Variants in ROBO2 observed in about 807,000 individuals in gnomAD.
ROBO2 encodes the protein roundabout guidance receptor 2, also known as roundabout homolog 2.
In ROBO2, 53 loss-of-function variants were observed where a neutral mutation model predicts 160.8. The observed-to-expected ratio is 0.33, with a 90% CI of 0.26 to 0.41. The LOEUF (loss-of-function observed/expected upper bound fraction) is 0.41, where lower values mean the gene tolerates loss of function less well. Among genes scored for constraint, ROBO2 ranks in the 10% least tolerant of loss-of-function variants. The pLI is 1.00. For synonymous variants in ROBO2, 664 were observed against 611.7 expected (o/e 1.09, Z -1.26); for missense variants, 1,577 against 1,722.4 (o/e 0.92, Z 1.49).
intron 2 of ROBO2, among the ~76,000 whole-genome samples, chr3:77,197,802 G>T (rs56311343): frequency 1.3e-5 from 2 of 151,924 alleles, no homozygotes; most frequent in Admixed American, 1.3e-4. Flanking sequence ...GTTATCTCAG[G>T]TTATCTGGGT....
At chr3:77,009,411 G>A (rs532992156) in intron 2 of ROBO2, among the ~76,000 whole-genome samples, 2 of 151,980 alleles carry the variant, frequency 1.3e-5, no homozygotes, top group Middle Eastern at 3.4e-3. Context: ...CAATTTTTAC[G>A]AAAATAAAAA....
At chr3:76,665,676 G>T (rs2091990386) in intron 2 of ROBO2, among the ~76,000 whole-genome samples, 1 of 150,754 alleles carries the variant, frequency 6.6e-6, no homozygotes, top group East Asian at 1.9e-4. Flanking sequence ...AACTTCCTTT[G>T]GTTCTTGACA....
chr3:77,533,125 C>T (rs1003191306), intron 6 of ROBO2, among the ~76,000 whole-genome samples: 1 of 151,914 alleles, frequency 6.6e-6, no homozygotes, highest in Non-Finnish European at 1.5e-5. Context: ...ATTCAATAAC[C>T]CTTATTTAGA....
chr3:77,097,435 C>A (rs1179844702), intron 1 of ROBO2, among the ~76,000 whole-genome samples: 1 of 152,088 alleles, frequency 6.6e-6, no homozygotes, highest in African/African-American at 2.4e-5. Context: ...TATACTTGAG[C>A]TCTTCAGTCA....
chr3:76,582,137 C>T (rs2085742206), intron 2 of ROBO2, among the ~76,000 whole-genome samples: 1 of 152,116 alleles, frequency 6.6e-6, no homozygotes, highest in Non-Finnish European at 1.5e-5. Context: ...TTATTCTTAA[C>T]ATTAAATTAA....
chr3:76,415,703 T>C (rs980674882), intron 2 of ROBO2, among the ~76,000 whole-genome samples: 1 of 152,204 alleles, frequency 6.6e-6, no homozygotes, highest in Non-Finnish European at 1.5e-5. Flanking sequence ...CTGCTCCTTA[T>C]AAATATGCGT....
intron 2 of ROBO2, among the ~76,000 whole-genome samples, chr3:77,102,767 C>T (rs939982933): frequency 1.5e-5 from 2 of 135,044 alleles, no homozygotes; most frequent in African/African-American, 2.8e-5. Context: ...TGTTCTGGAA[C>T]AATACAGCAG....
At chr3:77,058,075 G>A (rs2149742437) in intron 1 of ROBO2, among the ~76,000 whole-genome samples, 1 of 152,182 alleles carries the variant, frequency 6.6e-6, no homozygotes. Flanking sequence ...CATTAAAAAG[G>A]AGAATACTCG....
intron 2 of ROBO2, among the ~76,000 whole-genome samples, chr3:76,360,052 C>T (rs567225947): frequency 7.9e-5 from 12 of 152,108 alleles, no homozygotes; most frequent in East Asian, 1.9e-4. Context: ...CCATGACCAG[C>T]GTAGTTCTCT....
intron 2 of ROBO2, among the ~76,000 whole-genome samples, chr3:76,683,841 GT>G (rs2092626053): frequency 6.6e-6 from 1 of 151,942 alleles, no homozygotes; most frequent in African/African-American, 2.4e-5. Flanking sequence ...GCTGAATCGA[GT>G]TTTATTCCCG....
At chr3:76,374,007 G>A (rs2076227443) in intron 2 of ROBO2, among the ~76,000 whole-genome samples, 1 of 151,910 alleles carries the variant, frequency 6.6e-6, no homozygotes, top group African/African-American at 2.4e-5. Context: ...TGTTCACATG[G>A]CAGCAGATGG....
chr3:77,438,551 C>T (rs1268058510), intron 2 of ROBO2, among the ~76,000 whole-genome samples: 1 of 79,680 alleles, frequency 1.3e-5, no homozygotes, highest in Non-Finnish European at 3.5e-5. Context: ...CACACACACA[C>T]ACACACACAC....
chr3:76,114,079 C>CT (rs1223826406), intron 2 of ROBO2, among the ~76,000 whole-genome samples: 1 of 152,150 alleles, frequency 6.6e-6, no homozygotes, highest in Non-Finnish European at 1.5e-5. Flanking sequence ...AGCTCCTTTC[C>CT]TTTTAAATTA....
chr3:76,383,718 A>T (rs552444273), intron 2 of ROBO2, among the ~76,000 whole-genome samples: 1 of 152,244 alleles, frequency 6.6e-6, no homozygotes, highest in East Asian at 1.9e-4. Context: ...GTCAGTCATA[A>T]TGAAAAAAAA....
intron 2 of ROBO2, among the ~76,000 whole-genome samples, chr3:76,688,390 C>G (rs531509409): frequency 6.6e-6 from 1 of 151,604 alleles, no homozygotes; most frequent in East Asian, 1.9e-4. Flanking sequence ...AGATTTAAAT[C>G]AGGAGATGGT....
rs549647137 is a variant in ROBO2, at chr3:77,580,789, G to T, written c.2500+671G>T. On this transcript the variant is annotated intron_variant, in intron 16 of 25. Transcript: ENST00000461745. ...CAATTGTATGAATATGCCATATTTT[G>T]TTTATCTGCTTTTCACCTGACAGAA... 2.0e-5 allele frequency among the ~76,000 whole-genome samples: 3 copies of T among 152,092 alleles called. 1 individual carries two copies. The highest frequency in any genetic ancestry group is 4.8e-5 in the African/African-American group (2 of 41,498).
intron 2 of ROBO2, among the ~76,000 whole-genome samples, chr3:77,362,289 G>T (rs1297624869): frequency 6.6e-6 from 1 of 152,094 alleles, no homozygotes; most frequent in Non-Finnish European, 1.5e-5. Context: ...TCCAAATATA[G>T]CATGCACAAG....
intron 2 of ROBO2, among the ~76,000 whole-genome samples, chr3:77,403,786 A>G (rs1160825662): frequency 6.6e-6 from 1 of 152,084 alleles, no homozygotes; most frequent in Non-Finnish European, 1.5e-5. Context: ...GTTGGATCAT[A>G]TGGAACATTT....
At chr3:77,133,879 T>C (rs2076062937) in intron 2 of ROBO2, among the ~76,000 whole-genome samples, 1 of 152,234 alleles carries the variant, frequency 6.6e-6, no homozygotes, top group South Asian at 2.1e-4. Context: ...GATGCTCATA[T>C]ATTTTCAAAA....
Sources: allele counts gnomAD v4.1 joint callset (sites outside exome capture counted in the v4.1 genomes callset), GRCh38; gene constraint gnomAD v4.1.1; transcripts MANE v1.5; gene names NCBI Gene and HGNC (gene_info 2026-07-23, HGNC 2026-07-21).